Variants in RNF157 observed in about 807,000 individuals in gnomAD.
The protein encoded by RNF157 is ring finger protein 157.
A neutral mutation model predicts 88.3 loss-of-function variants in RNF157; 55 were observed. The observed-to-expected ratio is 0.62, with a 90% CI of 0.50 to 0.78. RNF157 has a LOEUF of 0.78. RNF157 is among the 30% of genes least tolerant of loss of function. The pLI, the probability that RNF157 is intolerant of heterozygous loss-of-function variation, is 0.00. For missense variants in RNF157, 788 were observed against 860.8 expected (o/e 0.92, Z 1.06); for synonymous variants, 334 against 341.2 (o/e 0.98, Z 0.23).
Position 76,173,740 on chromosome 17 carries a change from G to A in RNF157, c.258C>T (p.Ser86=), listed in dbSNP as rs1410038857. The A allele has an allele frequency of 6.2e-7, 1 of 1,611,104 alleles. No individual in the cohort carries two copies. Among genetic ancestry groups the A allele is most frequent in the South Asian group, 1.1e-5 (1 of 90,460 alleles). The change falls in exon 3 of 19, where the codon AGC becomes AGT. Residue 86 remains serine, a synonymous_variant. Transcript: ENST00000269391. ...GTGTGTCCTTTCGGATATTGACCAGGCTTCTCAGAGTCTTCACGGGTTCTT... is the reference window on the plus strand; with the variant it reads ...GTGTGTCCTTTCGGATATTGACCAGACTTCTCAGAGTCTTCACGGGTTCTT... The part of the protein sequence containing the change: ...PPQEPVKTLR[S]LVNIRKDTLR...
chr17:76,207,907 T>A (rs531218296), intron 2 of RNF157, among the ~76,000 whole-genome samples: 3 of 152,144 alleles, frequency 2.0e-5, no homozygotes, highest in African/African-American at 7.2e-5. Flanking sequence ...AGAGAACATA[T>A]CACTGCCACT....
intron 2 of RNF157, among the ~76,000 whole-genome samples, chr17:76,183,590 T>C (rs972578628): frequency 2.0e-5 from 3 of 152,096 alleles, no homozygotes; most frequent in African/African-American, 7.2e-5. Flanking sequence ...GCTTCCCGAG[T>C]AGCTGGGACT....
intron 2 of RNF157, among the ~76,000 whole-genome samples, chr17:76,182,441 C>T (rs925984816): frequency 2.9e-5 from 4 of 138,298 alleles, no homozygotes; most frequent in Non-Finnish European, 4.6e-5. Context: ...TGGGCACACA[C>T]GCATTTAGTC....
chr17:76,145,036 G>A lies in RNF157; in HGVS notation c.*199C>T. ...AAGGTCTCGTGAGCTGCAGTTCATT[G>A]AGTGGCTTTAGGTCACACGGAGAAA... On this transcript the variant is annotated 3_prime_UTR_variant, in exon 19 of 19. Coordinates refer to ENST00000269391, the MANE Select transcript of RNF157 (RefSeq NM_052916.3). 1 of 534,980 alleles carries A rather than the reference G, an allele frequency of 1.9e-6. No homozygotes were observed. Among genetic ancestry groups the A allele is most frequent in the Non-Finnish European group, 3.3e-6 (1 of 301,550 alleles). The allele number at this position is 534,980 out of a possible 1,614,324, so 33.1% of individuals were successfully genotyped here. A position where few individuals can be genotyped will look rare whatever the true frequency, so the allele number is the denominator to read the frequency against.
At chr17:76,177,308 AC>A (rs968223307) in intron 2 of RNF157, among the ~76,000 whole-genome samples, 2 of 63,584 alleles carry the variant, frequency 3.1e-5, no homozygotes, top group Middle Eastern at 0.01. Context: ...AAGCCCTCCC[AC>A]CCCCCCGCCC....
chr17:76,208,755 T>C (rs2069725045), intron 2 of RNF157, among the ~76,000 whole-genome samples: 1 of 152,130 alleles, frequency 6.6e-6, no homozygotes, highest in Non-Finnish European at 1.5e-5. Context: ...GCAGATCACC[T>C]GAGATCAGGA....
At position 76,158,459 on chromosome 17, in the gene RNF157, ATCTTCC is replaced by A; in HGVS notation, c.1341_1346del (p.Glu447_Glu448del). ...TCTCCGACTCGCTGCAGGAATGCTC[ATCTTCC>A]TCTTCATGCAGCACGGAAGAGTTTT... On this transcript the variant is annotated inframe_deletion, in exon 13 of 19. Coordinates refer to ENST00000269391, the MANE Select transcript of RNF157 (RefSeq NM_052916.3). The A allele has an allele frequency of 1.9e-6, 3 of 1,612,898 alleles. No homozygotes were observed. The highest frequency in any genetic ancestry group is 3.3e-4 in the Middle Eastern group (2 of 6,062).
At chr17:76,211,974 C>G (rs971952123) in intron 2 of RNF157, 1 of 158,118 alleles carries the variant, frequency 6.3e-6, no homozygotes. Flanking sequence ...ACAGTCCTTG[C>G]CTTATGAAAC....
chr17:76,204,706 C>T (rs1400088389), intron 2 of RNF157, among the ~76,000 whole-genome samples: 2 of 151,942 alleles, frequency 1.3e-5, no homozygotes, highest in Non-Finnish European at 2.9e-5. Context: ...GATTTGAGTA[C>T]AACTTTTGGT....
intron 1 of RNF157, among the ~76,000 whole-genome samples, chr17:76,234,281 A>G (rs1302047262): frequency 1.3e-5 from 2 of 152,316 alleles, no homozygotes; most frequent in South Asian, 2.1e-4. Context: ...CAGTAGTTCT[A>G]TTCATCGGTT....
chr17:76,211,295 A>G (rs573823798), intron 2 of RNF157, among the ~76,000 whole-genome samples: 1 of 152,192 alleles, frequency 6.6e-6, no homozygotes, highest in South Asian at 2.1e-4. Context: ...GAAAGGCCTC[A>G]TCCAACCCAC....
chr17:76,206,098 G>A (rs1409824801), intron 2 of RNF157, among the ~76,000 whole-genome samples: 1 of 152,092 alleles, frequency 6.6e-6, no homozygotes, highest in African/African-American at 2.4e-5. Flanking sequence ...AGGCATGGTG[G>A]GGCGTGCTTG....
At chr17:76,199,467 T>A (rs1174459538) in intron 2 of RNF157, among the ~76,000 whole-genome samples, 2 of 151,442 alleles carry the variant, frequency 1.3e-5, no homozygotes, top group African/African-American at 4.9e-5. Context: ...TTGCCCAGGC[T>A]GGTCTTGAAC....
chr17:76,169,774 T>C (rs2068986172), intron 3 of RNF157, among the ~76,000 whole-genome samples: 1 of 151,854 alleles, frequency 6.6e-6, no homozygotes, highest in South Asian at 2.1e-4. Flanking sequence ...AGAGATGGGG[T>C]TTCTCCATGT....
intron 6 of RNF157, 54 bp downstream of exon 6, chr17:76,166,407 A>C: frequency 6.9e-7 from 1 of 1,447,650 alleles, no homozygotes; most frequent in Non-Finnish European, 9.7e-7. Context: ...GCTGCCAGGA[A>C]TATGCCACAA....
chr17:76,182,760 C>CATATATATAT (rs377581288), intron 2 of RNF157, among the ~76,000 whole-genome samples: 1,012 of 93,216 alleles, frequency 0.011, 14 homozygotes, highest in African/African-American at 0.027. Context: ...GGCCTCGTCT[C>CATATATATAT]ATATATATAT....
intron 3 of RNF157, among the ~76,000 whole-genome samples, chr17:76,169,773 G>A (rs894272626): frequency 6.6e-6 from 1 of 151,854 alleles, no homozygotes; most frequent in African/African-American, 2.4e-5. Context: ...TAGAGATGGG[G>A]TTTCTCCATG....
chr17:76,151,523 A>G (rs2068677060), intron 18 of RNF157, among the ~76,000 whole-genome samples: 3 of 152,210 alleles, frequency 2.0e-5, no homozygotes, highest in South Asian at 4.1e-4. Flanking sequence ...TTCAAACAAC[A>G]CGATGTGAAG....
chr17:76,229,912 A>G (rs1368481301), intron 1 of RNF157, among the ~76,000 whole-genome samples: 1 of 152,212 alleles, frequency 6.6e-6, no homozygotes, highest in East Asian at 1.9e-4. Context: ...GGGGTTGGAG[A>G]ACTTAAAGAG....
Sources: allele counts gnomAD v4.1 joint callset (sites outside exome capture counted in the v4.1 genomes callset), GRCh38; gene constraint gnomAD v4.1.1; transcripts MANE v1.5; gene names NCBI Gene and HGNC (gene_info 2026-07-23, HGNC 2026-07-21).